ITGA9: variants seen among roughly 807,000 people sequenced by gnomAD.
ITGA9 encodes the protein integrin subunit alpha 9.
Under a neutral mutation model 127.8 loss-of-function variants are expected in ITGA9, and 56 were observed. The observed-to-expected ratio is 0.44, with a 90% confidence interval of 0.35 to 0.55. The LOEUF (loss-of-function observed/expected upper bound fraction) is 0.55, where lower values mean the gene tolerates loss of function less well. Among genes scored for constraint, ITGA9 ranks in the 20% least tolerant of loss-of-function variants. The pLI, the probability that ITGA9 is intolerant of heterozygous loss-of-function variation, is 0.00. For missense variants in ITGA9, 1,196 were observed against 1,347.1 expected (o/e 0.89, Z 1.76); for synonymous variants, 508 against 514.5 (o/e 0.99, Z 0.17).
At chr3:37,475,403 G>A (rs1698483193) in intron 3 of ITGA9, among the ~76,000 whole-genome samples, 1 of 152,208 alleles carries the variant, frequency 6.6e-6, no homozygotes, top group South Asian at 2.1e-4. Context: ...GTGGCTGAGG[G>A]CTTGTTTCCA....
chr3:37,696,083 AG>A (rs1332902196), intron 18 of ITGA9, among the ~76,000 whole-genome samples: 1 of 152,226 alleles, frequency 6.6e-6, no homozygotes, highest in Non-Finnish European at 1.5e-5. Context: ...GCTTTCCTAA[AG>A]CTCCACTTGA....
chr3:37,554,360 G>C (rs1699409213), intron 15 of ITGA9, among the ~76,000 whole-genome samples: 1 of 152,002 alleles, frequency 6.6e-6, no homozygotes, highest in South Asian at 2.1e-4. Context: ...GTCTGAGGAG[G>C]AGCAGGGAGA....
At chr3:37,585,795 G>GTC (rs140414819) in intron 15 of ITGA9, among the ~76,000 whole-genome samples, 1 of 128,546 alleles carries the variant, frequency 7.8e-6, no homozygotes, top group East Asian at 2.1e-4. Context: ...GGAAGAAGGG[G>GTC]GCCCCCCCAA....
At chr3:37,660,722 A>G in intron 17 of ITGA9, among the ~76,000 whole-genome samples, 1 of 152,210 alleles carries the variant, frequency 6.6e-6, no homozygotes, top group East Asian at 1.9e-4. Flanking sequence ...TGATATGAAC[A>G]GCAATCACTG....
At position 37,686,664 on chromosome 3, in the gene ITGA9, A is replaced by C. The variant is rs76732942; in HGVS notation, c.2067+2649A>C. The stretch of plus-strand genomic sequence containing the variant: ...GGTTTCAGTTCGACAGAAACTTGAC[A>C]AAGCATCAGGCTCTTCGGGACGTGG... On this transcript the variant is annotated intron_variant, in intron 18 of 27. Coordinates refer to ENST00000264741, the MANE Select transcript of ITGA9 (RefSeq NM_002207.3). Among the ~76,000 whole-genome samples, 9 of 152,162 alleles carry C rather than the reference A, an allele frequency of 5.9e-5. No homozygotes were observed. The East Asian group carries it at 1.7e-3, about 29-fold the overall frequency.
chr3:37,619,681 G>A (rs889172885), intron 15 of ITGA9, among the ~76,000 whole-genome samples: 21 of 152,218 alleles, frequency 1.4e-4, no homozygotes, highest in African/African-American at 4.3e-4. Flanking sequence ...TTAGGAGTCT[G>A]AGCATGGCCT....
At chr3:37,691,005 C>T (rs1700826742) in intron 18 of ITGA9, among the ~76,000 whole-genome samples, 3 of 152,152 alleles carry the variant, frequency 2.0e-5, no homozygotes, top group African/African-American at 7.2e-5. Flanking sequence ...TACTCCTTTC[C>T]CCAAGTGTCA....
At chr3:37,805,865 G>T (rs1461656238) in intron 27 of ITGA9, 10 of 151,156 alleles carry the variant, frequency 6.6e-5, no homozygotes, top group African/African-American at 2.4e-4. Context: ...TAGAGACCAG[G>T]TTTTGCCATG....
chr3:37,773,642 T>TG (rs1696870936), intron 23 of ITGA9, among the ~76,000 whole-genome samples: 2 of 151,518 alleles, frequency 1.3e-5, no homozygotes, highest in South Asian at 4.2e-4. Context: ...GCCTTTGAGG[T>TG]GGGGGGAGTG....
At chr3:37,744,663 G>C (rs1360937272) in intron 22 of ITGA9, among the ~76,000 whole-genome samples, 2 of 152,232 alleles carry the variant, frequency 1.3e-5, no homozygotes, top group African/African-American at 4.8e-5. Flanking sequence ...TTGGGGGTCA[G>C]CAAACTTTTT....
intron 16 of ITGA9, among the ~76,000 whole-genome samples, chr3:37,650,677 C>T (rs909876346): frequency 5.3e-5 from 8 of 152,042 alleles, no homozygotes; most frequent in African/African-American, 1.4e-4. Flanking sequence ...GGTGATCACC[C>T]GCCTCAGCCT....
intron 14 of ITGA9, among the ~76,000 whole-genome samples, chr3:37,538,825 AT>A (rs1400634940): frequency 1.3e-5 from 2 of 152,202 alleles, no homozygotes; most frequent in African/African-American, 4.8e-5. Context: ...TGTAGAAGTA[AT>A]TTCCTTTGGG....
intron 6 of ITGA9, among the ~76,000 whole-genome samples, chr3:37,504,690 G>A (rs1168000420): frequency 6.6e-6 from 1 of 152,142 alleles, no homozygotes; most frequent in Admixed American, 6.5e-5. Flanking sequence ...GTTTCTCTTT[G>A]TATACACATT....
At chr3:37,541,760 C>G (rs1283275657) in intron 14 of ITGA9, among the ~76,000 whole-genome samples, 1 of 152,168 alleles carries the variant, frequency 6.6e-6, no homozygotes, top group Non-Finnish European at 1.5e-5. Context: ...GCAACTCCAG[C>G]CTTCATCTGG....
intron 13 of ITGA9, among the ~76,000 whole-genome samples, chr3:37,530,707 C>A (rs1699141127): frequency 7.6e-6 from 1 of 131,982 alleles, no homozygotes; most frequent in Non-Finnish European, 1.6e-5. Context: ...AGAAGTGTTC[C>A]AGCTACCAGG....
chr3:37,531,555 G>T (rs1384826386), intron 13 of ITGA9, among the ~76,000 whole-genome samples: 1 of 152,026 alleles, frequency 6.6e-6, no homozygotes, highest in Non-Finnish European at 1.5e-5. Context: ...AGGAGGATTC[G>T]GCCTCCTCCC....
intron 4 of ITGA9, among the ~76,000 whole-genome samples, chr3:37,490,214 T>C (rs1224700450): frequency 6.6e-6 from 1 of 152,164 alleles, no homozygotes; most frequent in African/African-American, 2.4e-5. Flanking sequence ...AGATCTGAAC[T>C]ACTGATTAGA....
chr3:37,673,161 C>A (rs375822664), intron 17 of ITGA9, among the ~76,000 whole-genome samples: 4 of 152,158 alleles, frequency 2.6e-5, no homozygotes, highest in African/African-American at 9.6e-5. Flanking sequence ...AAAGAGAAAT[C>A]TCGGAGCTTT....
intron 7 of ITGA9, 48 bp from the exon 8 acceptor site, chr3:37,508,511 T>C: frequency 6.7e-7 from 1 of 1,491,912 alleles, no homozygotes; most frequent in Non-Finnish European, 9.3e-7. Context: ...TAAATATCTT[T>C]GATCATTGAT....
Sources: allele counts gnomAD v4.1 joint callset (sites outside exome capture counted in the v4.1 genomes callset), GRCh38; gene constraint gnomAD v4.1.1; transcripts MANE v1.5; gene names NCBI Gene and HGNC (gene_info 2026-07-23, HGNC 2026-07-21).